The following CLUAP1 variants were observed in gnomAD, a reference collection of about 807,000 sequenced individuals.
CLUAP1 encodes the protein clusterin-associated protein 1.
A neutral mutation model predicts 55.0 loss-of-function variants in CLUAP1; 50 were observed. That is an observed-to-expected ratio of 0.91 (90% CI 0.72 to 1.15). The LOEUF (loss-of-function observed/expected upper bound fraction) is 1.15. Ranked by LOEUF, CLUAP1 falls within the 50% of genes most tolerant of loss-of-function variation. The pLI is 0.00. For missense variants in CLUAP1, 530 were observed against 507.6 expected, an observed-to-expected ratio of 1.04 and a Z score of -0.42; for synonymous variants, 195 against 175.4, an observed-to-expected ratio of 1.11 and a Z score of -0.88.
rs1449429780 is a variant in CLUAP1 at position 3,538,267 on chromosome 16, T to G, written c.*1996T>G. ...GGAACTTTTGAGTTATTTCTGTCAT[T>G]TTTGCTTTTTTCTCTTTCTTTTCCT... is the stretch of plus-strand genomic sequence containing the variant. On this transcript the variant is annotated 3_prime_UTR_variant, in exon 12 of 12. Coordinates refer to ENST00000576634, the MANE Select transcript of CLUAP1 (RefSeq NM_015041.3). 1 of 152,000 alleles carries G rather than the reference T, an allele frequency of 6.6e-6. No homozygotes were observed. Among genetic ancestry groups the G allele is most frequent in the Non-Finnish European group, 1.5e-5 (1 of 68,016 alleles). The allele number at this position is 152,000 out of a possible 1,614,324, so 9.4% of individuals were successfully genotyped here.
intron 9 of CLUAP1, among the ~76,000 whole-genome samples, chr16:3,529,681 ATAT>A (rs371719535): frequency 0.011 from 77 of 6,902 alleles, no homozygotes; most frequent in African/African-American, 0.028. Context: ...TATATATTAT[ATAT>A]TATTATATAT....
At chr16:3,530,529 A>G (rs563101251) in intron 9 of CLUAP1, 39 bp from the exon 10 acceptor site, 20 of 1,467,528 alleles carry the variant, frequency 1.4e-5, no homozygotes, top group Non-Finnish European at 1.7e-5. Context: ...TGTGATCATG[A>G]AGCCACTCCT....
upstream of CLUAP1, among the ~76,000 whole-genome samples, chr16:3,497,731 C>T (rs2037328836): frequency 6.6e-6 from 1 of 152,198 alleles, no homozygotes; most frequent in Admixed American, 6.5e-5. Flanking sequence ...TCAGGCAATC[C>T]TCCCACCTTA....
chr16:3,497,150 C>T (rs551102427), upstream of CLUAP1, among the ~76,000 whole-genome samples: 1 of 151,798 alleles, frequency 6.6e-6, no homozygotes, highest in South Asian at 2.1e-4. Flanking sequence ...GGATTACAGG[C>T]ATGACCCACC....
chr16:3,519,532 C>T (rs759819751), intron 6 of CLUAP1, among the ~76,000 whole-genome samples: 6 of 152,110 alleles, frequency 3.9e-5, no homozygotes, highest in South Asian at 2.1e-4. Context: ...GGGCATGGCC[C>T]GAATGATAAA....
chr16:3,511,943 T>C (rs996561635), intron 4 of CLUAP1, among the ~76,000 whole-genome samples: 8 of 152,086 alleles, frequency 5.3e-5, no homozygotes, highest in Non-Finnish European at 1.2e-4. Flanking sequence ...TCCCAGCACT[T>C]TGGGAGGCCG....
In CLUAP1 at chr16:3,529,715, ATATTATATAT is replaced by A. The variant is rs2038058270; in HGVS notation, c.929-849_929-840del. ...TATATTATATATTATATATTATATA[ATATTATATAT>A]TATATATATTATTATATATTATATA... On this transcript the variant is annotated intron_variant, in intron 9 of 11. Transcript: ENST00000576634. 2.6e-4 allele frequency among the ~76,000 whole-genome samples: 6 copies of A among 23,458 alleles called. 1 individual carries two copies. The highest frequency in any genetic ancestry group is 8.4e-4 in the Admixed American group (1 of 1,190). 15.4% of individuals were successfully genotyped at this position (23,458 alleles called of 152,430 possible).
At chr16:3,528,114 C>G (rs763288515) in intron 9 of CLUAP1, among the ~76,000 whole-genome samples, 12 of 152,210 alleles carry the variant, frequency 7.9e-5, no homozygotes, top group Non-Finnish European at 5.9e-5. Flanking sequence ...ACCCTACATC[C>G]CTGAACTTCA....
intron 8 of CLUAP1, among the ~76,000 whole-genome samples, chr16:3,525,540 T>C (rs1011135467): frequency 7.9e-5 from 12 of 151,596 alleles, no homozygotes; most frequent in Non-Finnish European, 1.8e-4. Flanking sequence ...TGTCTGTCCC[T>C]CCCCCCCACT....
chr16:3,496,515 C>T, upstream of CLUAP1: 1 of 589,160 alleles, frequency 1.7e-6, no homozygotes, highest in South Asian at 1.4e-5. Context: ...GTGTGCGCTG[C>T]CCGTGACCAG....
In CLUAP1 at chr16:3,512,445, G is replaced by A. The variant is rs764831036; in HGVS notation, c.462G>A (p.Leu154=). ...ASEITSKGAS[L]YDLLGMEVEL... ...AAATCACCTCCAAAGGAGCATCTCT[G>A]TATGACTTGCTCGGCATGGAAGTAG... is the stretch of plus-strand genomic sequence containing the variant. Residue 154 remains leucine (L), a synonymous_variant, in exon 5 of 12, where the codon CTG becomes CTA. Coordinates refer to ENST00000576634, the MANE Select transcript of CLUAP1 (RefSeq NM_015041.3). The A allele has an allele frequency of 7.4e-6, 12 of 1,613,908 alleles. No homozygotes were observed. The highest frequency in any genetic ancestry group is 1.3e-5 in the African/African-American group (1 of 74,926).
At chr16:3,534,860 G>A (rs2038200057) in intron 11 of CLUAP1, 1 of 152,232 alleles carries the variant, frequency 6.6e-6, no homozygotes, top group African/African-American at 2.4e-5. Context: ...GTAGCCAGGT[G>A]GAATTTAAGT....
At chr16:3,532,515 A>G (rs2038144822) in intron 10 of CLUAP1, among the ~76,000 whole-genome samples, 1 of 146,984 alleles carries the variant, frequency 6.8e-6, no homozygotes. Context: ...CCTGGTTTCA[A>G]GCGAGTCTCC....
rs111916812 is a variant in CLUAP1 at position 3,512,273 on chromosome 16, G to A, written c.400-110G>A. ...CACTTTGGGAGGCTGAGGTCGGAGG[G>A]TCACTTGAGGCCAGGAGTTAGAGAG... On this transcript the variant is annotated intron_variant, in intron 4 of 11. Transcript: ENST00000576634. 1.8e-3 allele frequency: 1,334 copies of A among 742,552 alleles called. 17 individuals are homozygous for A. The African/African-American group carries it at 0.019, about 10-fold the overall frequency. The allele number at this position is 742,552 out of a possible 1,614,324, so 46.0% of individuals were successfully genotyped here. A position where few individuals can be genotyped will look rare whatever the true frequency, so the allele number is the denominator to read the frequency against.
At chr16:3,529,795 T>C (rs2038068751) in intron 9 of CLUAP1, among the ~76,000 whole-genome samples, 1 of 58,492 alleles carries the variant, frequency 1.7e-5, no homozygotes, top group African/African-American at 7.6e-5. Context: ...TAATATATAT[T>C]ATATTATTAT....
intron 9 of CLUAP1, among the ~76,000 whole-genome samples, chr16:3,529,541 TTATTATATATTATA>T (rs1190907527): frequency 2.0e-5 from 1 of 49,412 alleles, no homozygotes; most frequent in Non-Finnish European, 3.2e-5. Context: ...ATGTTATATA[TTATTATATATTATA>T]TATTATTATA....
rs1185810544 is a variant in CLUAP1, at chr16:3,512,129, T to G, written c.400-254T>G. ...TGAACCTGGGAGGTGGAGATTGCGG[T>G]GAGCCGAGATCGCGCTATCACACTC... is the stretch of plus-strand genomic sequence containing the variant. On this transcript the variant is annotated intron_variant, in intron 4 of 11. Coordinates refer to ENST00000576634, the MANE Select transcript of CLUAP1 (RefSeq NM_015041.3). 4.8e-5 allele frequency among the ~76,000 whole-genome samples: 7 copies of G among 145,966 alleles called. No individual in the cohort carries two copies. In the East Asian group the frequency reaches 1.4e-3, roughly 29 times the overall value.
upstream of CLUAP1, chr16:3,500,987 C>T: frequency 7.0e-7 from 1 of 1,436,112 alleles, no homozygotes; most frequent in South Asian, 1.2e-5. Context: ...CATTGGTTGC[C>T]ATAGAGATCG....
intron 9 of CLUAP1, among the ~76,000 whole-genome samples, chr16:3,527,295 C>G (rs749831791): frequency 6.6e-6 from 1 of 152,144 alleles, no homozygotes; most frequent in South Asian, 2.1e-4. Flanking sequence ...AATCCTCGCT[C>G]TACAATCATA....
Sources: gnomAD v4.1 joint callset for allele counts (sites outside exome capture counted in the v4.1 genomes callset) on GRCh38, gnomAD v4.1.1 for gene constraint, MANE v1.5 for transcripts, NCBI Gene and HGNC (gene_info 2026-07-23, HGNC 2026-07-21) for gene names.